The following RLF variants were observed in gnomAD, a reference collection of about 807,000 sequenced individuals.
The protein encoded by RLF is zinc finger protein Rlf.
RLF carries 7 observed loss-of-function variants against 162.9 expected under a neutral mutation model. That is an observed-to-expected ratio of 0.04 (90% confidence interval 0.02 to 0.08). The LOEUF (loss-of-function observed/expected upper bound fraction) is 0.08. RLF is among the 10% of genes least tolerant of loss of function. The pLI is 1.00. For missense variants in RLF, 1,664 were observed against 2,244.7 expected, an observed-to-expected ratio of 0.74 and a Z score of 5.23; for synonymous variants, 782 against 791.5, an observed-to-expected ratio of 0.99 and a Z score of 0.20.
In RLF at chr1:40,237,580, G is replaced by A; in HGVS notation, c.2878G>A (p.Gly960Ser). The change falls in exon 8 of 8, where the codon GGC becomes AGC. Residue 960 changes from glycine to serine, a missense_variant. Coordinates refer to ENST00000372771, the MANE Select transcript of RLF (RefSeq NM_012421.4). This position sits in a 1 kb window ranked among gnomAD's most constrained non-coding sequence, Gnocchi z 4.4. The stretch of plus-strand genomic sequence containing the variant: ...GACTAAGTTTACCTGTGGTTTTGAT[G>A]GCTGTGGTTCCACATACAAAAATGC... ...DGTKFTCGFDGCGSTYKNARG... is the reference protein window; with the variant it reads ...DGTKFTCGFDSCGSTYKNARG... 6.2e-7 allele frequency: 1 copy of A among 1,614,096 alleles called. No individual in the cohort carries two copies. The highest frequency in any genetic ancestry group is 8.5e-7 in the Non-Finnish European group (1 of 1,179,994).
At chr1:40,205,467 C>T (rs757740723) in intron 5 of RLF, among the ~76,000 whole-genome samples, 28 of 149,972 alleles carry the variant, frequency 1.9e-4, no homozygotes, top group Non-Finnish European at 3.7e-4. Context: ...AATTTACTAT[C>T]GAACATTTTC....
intron 5 of RLF, among the ~76,000 whole-genome samples, chr1:40,207,909 C>A (rs1642817859): frequency 6.6e-6 from 1 of 152,226 alleles, no homozygotes; most frequent in South Asian, 2.1e-4. Flanking sequence ...CCACGCCTGG[C>A]CCCTTGTTGA....
chr1:40,205,615 G>A (rs1403913856), intron 5 of RLF, among the ~76,000 whole-genome samples: 2 of 148,300 alleles, frequency 1.3e-5, no homozygotes, highest in African/African-American at 5.0e-5. Flanking sequence ...TCAGCCTCCC[G>A]AGTAGCTGGG....
intron 6 of RLF, 99 bp downstream of exon 6, chr1:40,222,809 A>G (rs1351377178): frequency 2.0e-6 from 2 of 1,000,612 alleles, no homozygotes. Flanking sequence ...AAAACCTAGC[A>G]TGACCTGTGA....
At chr1:40,171,267 G>A (rs1642240694) in intron 1 of RLF, among the ~76,000 whole-genome samples, 1 of 152,080 alleles carries the variant, frequency 6.6e-6, no homozygotes, top group African/African-American at 2.4e-5. Flanking sequence ...GGCCTTAAGT[G>A]ATCCTCCCAC....
intron 4 of RLF, 52 bp downstream of exon 4, chr1:40,195,816 T>C (rs553957763): frequency 6.4e-7 from 1 of 1,554,406 alleles, no homozygotes; most frequent in Non-Finnish European, 8.7e-7. Context: ...AACGTTGGAA[T>C]TGATTATGGG....
intron 1 of RLF, among the ~76,000 whole-genome samples, chr1:40,176,190 G>A (rs911192972): frequency 2.6e-5 from 4 of 152,174 alleles, no homozygotes; most frequent in African/African-American, 7.2e-5. Context: ...TACAAATCAA[G>A]CTGTTAGGAA....
chr1:40,171,202 T>C (rs1036711002), intron 1 of RLF, among the ~76,000 whole-genome samples: 2 of 151,836 alleles, frequency 1.3e-5, no homozygotes, highest in East Asian at 3.9e-4. Flanking sequence ...AATTGAAAAA[T>C]AATTTTTGTA....
At chr1:40,234,116 T>C (rs1166261755) in intron 7 of RLF, among the ~76,000 whole-genome samples, 1 of 152,142 alleles carries the variant, frequency 6.6e-6, no homozygotes, top group Non-Finnish European at 1.5e-5. Context: ...GCCTGGCTAA[T>C]TTTTTGTATT....
At chr1:40,163,157 C>T (rs893351136) in intron 1 of RLF, among the ~76,000 whole-genome samples, 2 of 152,128 alleles carry the variant, frequency 1.3e-5, no homozygotes, top group Non-Finnish European at 2.9e-5. Flanking sequence ...GTAGTATGTG[C>T]TTAGAAAGAA....
Position 40,240,297 on chromosome 1 carries a change from C to A in RLF, c.5595C>A (p.Asp1865Glu). The change falls in exon 8 of 8, where the codon GAC (aspartate) becomes GAA (glutamate). Residue 1865 changes from aspartate (D) to glutamate (E), a missense_variant. Asp to Glu is a conservative substitution (Grantham distance 45). Around this residue, in one of 15 missense-constraint regions of RLF, gnomAD observed 327 missense variants for 342.7 expected, o/e 0.95. Transcript: ENST00000372771. Reference protein sequence around the residue: ...PSLENLRVVLDKALTDCGELA... With the variant: ...PSLENLRVVLEKALTDCGELA... ...TGGAAAACCTGAGGGTTGTATTGGA[C>A]AAAGCATTAACAGACTGTGGAGAGC... The A allele has an allele frequency of 6.2e-7, 1 of 1,614,154 alleles. No homozygotes were observed. Among genetic ancestry groups the A allele is most frequent in the Non-Finnish European group, 8.5e-7 (1 of 1,180,030 alleles).
chr1:40,203,109 CTTT>C lies in RLF; in HGVS notation c.810+516_810+518del, dbSNP rs34957684. Among the ~76,000 whole-genome samples, 7 of 99,690 alleles carry C rather than the reference CTTT, an allele frequency of 7.0e-5. No individual in the cohort carries two copies. The South Asian group carries it at 1.1e-3, about 15-fold the overall frequency. 65.4% of individuals were successfully genotyped at this position (99,690 alleles called of 152,430 possible). On this transcript the variant is annotated intron_variant, in intron 5 of 7. Transcript: ENST00000372771. ...ATATCATGGAAAATAAGGGTTGAGT[CTTT>C]TTTTTTTTTTTTTTTTTTTTGAGAC...
At chr1:40,167,254 C>T (rs536363590) in intron 1 of RLF, among the ~76,000 whole-genome samples, 28 of 152,250 alleles carry the variant, frequency 1.8e-4, no homozygotes, top group South Asian at 6.2e-4. Context: ...AGGTTGATGG[C>T]CATGAAGGCT....
At chr1:40,214,993 A>G (rs961165718) in intron 5 of RLF, among the ~76,000 whole-genome samples, 2 of 151,870 alleles carry the variant, frequency 1.3e-5, no homozygotes, top group African/African-American at 4.8e-5. Flanking sequence ...ATCAGTAAAA[A>G]GACAAATTAT....
At position 40,236,292 on chromosome 1, in the gene RLF, T is replaced by C. The variant is rs530246232; in HGVS notation, c.1590T>C (p.Asp530=). The C allele has an allele frequency of 2.9e-5, 47 of 1,613,956 alleles. No homozygotes were observed. In the South Asian group the frequency reaches 4.4e-4, roughly 15 times the overall value. ...AATATAGAAGAAGAGATTTGACAGATCAGCATAAGGAGAAAAGAGACAAAA... is the reference window on the plus strand; with the variant it reads ...AATATAGAAGAAGAGATTTGACAGACCAGCATAAGGAGAAAAGAGACAAAA... ...DKQYRRRDLT[D]QHKEKRDKKP... Residue 530 remains aspartate, a synonymous_variant, in exon 8 of 8, where the codon GAT becomes GAC. Coordinates refer to ENST00000372771, the MANE Select transcript of RLF (RefSeq NM_012421.4). The surrounding 1 kb of genome is among the most constrained non-coding windows in gnomAD (Gnocchi z 7.7).
rs2124564170 is a variant in RLF at position 40,239,514 on chromosome 1, T to G, written c.4812T>G (p.Ser1604=). 1.9e-6 allele frequency: 3 copies of G among 1,614,048 alleles called. No individual in the cohort carries two copies. Among genetic ancestry groups the G allele is most frequent in the Non-Finnish European group, 2.5e-6 (3 of 1,180,024 alleles). The change falls in exon 8 of 8, where the codon TCT becomes TCG. Residue 1604 remains serine, a synonymous_variant. Transcript: ENST00000372771. ...CCAAAATTAAGGAGGAACCCCCTTC[T>G]GAAGCAGATCCCTGTATAAAGAAAG... ...YGTKIKEEPP[S]EADPCIKKEE...
chr1:40,221,899 C>CAAAAAAAAAAAAA lies in RLF; in HGVS notation c.811-668_811-656dup, dbSNP rs895455745. On this transcript the variant is annotated intron_variant, in intron 5 of 7. Transcript: ENST00000372771. ...TGGGCGACACAGCGAGACTCCGTCTCAAAAAAAAAAAAAAAAAAAGAGAAA... is the reference window on the plus strand; with the variant it reads ...TGGGCGACACAGCGAGACTCCGTCTCAAAAAAAAAAAAAAAAAAAAAAAAAAAAAAAAGAGAAA... Among the ~76,000 whole-genome samples the CAAAAAAAAAAAAA allele has an allele frequency of 5.1e-4, 33 of 65,018 alleles. 1 individual carries two copies. Among genetic ancestry groups the CAAAAAAAAAAAAA allele is most frequent in the African/African-American group, 8.4e-4 (14 of 16,756 alleles). 42.7% of individuals were successfully genotyped at this position (65,018 alleles called of 152,430 possible).
chr1:40,192,947 A>G (rs371520197), intron 3 of RLF, among the ~76,000 whole-genome samples: 51 of 152,216 alleles, frequency 3.4e-4, no homozygotes, highest in Admixed American at 1.9e-3. Flanking sequence ...ATTTTCTGCA[A>G]CTTGGTTTTT....
chr1:40,170,262 G>GT (rs955131484), intron 1 of RLF, among the ~76,000 whole-genome samples: 11 of 150,054 alleles, frequency 7.3e-5, no homozygotes, highest in Admixed American at 2.7e-4. Flanking sequence ...TTGTTTTTTG[G>GT]TTTTTTTTTG....
Sources: allele counts gnomAD v4.1 joint callset (sites outside exome capture counted in the v4.1 genomes callset), GRCh38; gene constraint gnomAD v4.1.1; regional missense constraint gnomAD v4.1.1; non-coding constraint Gnocchi (gnomAD v3.1); transcripts MANE v1.5; gene names NCBI Gene and HGNC (gene_info 2026-07-23, HGNC 2026-07-21).